KCNQ5: variants seen among roughly 807,000 people sequenced by gnomAD.
KCNQ5 encodes potassium voltage-gated channel subfamily KQT member 5.
Under a neutral mutation model 98.2 loss-of-function variants are expected in KCNQ5, and 30 were observed. The observed-to-expected ratio is 0.31, with a 90% CI of 0.23 to 0.41. The LOEUF (loss-of-function observed/expected upper bound fraction) is 0.41. Ranked by LOEUF, KCNQ5 falls within the 10% of genes least tolerant of loss-of-function variation. KCNQ5 has a pLI of 1.00. For missense variants in KCNQ5, 835 were observed against 1,182.5 expected (o/e 0.71, Z 4.31); for synonymous variants, 458 against 449.4 (o/e 1.02, Z -0.24).
intron 1 of KCNQ5, among the ~76,000 whole-genome samples, chr6:72,972,094 G>A (rs1430339905): frequency 6.6e-6 from 1 of 152,146 alleles, no homozygotes; most frequent in African/African-American, 2.4e-5. Context: ...GTCAAAGGCT[G>A]TATTGCCTTC....
At chr6:72,866,140 A>G (rs940635711) in intron 1 of KCNQ5, among the ~76,000 whole-genome samples, 2 of 151,956 alleles carry the variant, frequency 1.3e-5, no homozygotes, top group Admixed American at 6.6e-5. Flanking sequence ...AAAATAGCAG[A>G]GGCAAGGTTG....
chr6:72,832,072 A>G (rs1776299011), intron 1 of KCNQ5, among the ~76,000 whole-genome samples: 1 of 152,212 alleles, frequency 6.6e-6, no homozygotes, highest in Non-Finnish European at 1.5e-5. Context: ...CACAGAAAAT[A>G]TCCAGCAGGT....
intron 1 of KCNQ5, among the ~76,000 whole-genome samples, chr6:72,936,101 C>T (rs1765902887): frequency 6.6e-6 from 1 of 151,834 alleles, no homozygotes; most frequent in African/African-American, 2.4e-5. Context: ...CTAGAAGCCT[C>T]TCTGACATTT....
intron 5 of KCNQ5, among the ~76,000 whole-genome samples, chr6:73,089,487 T>C (rs1193662914): frequency 5.3e-5 from 8 of 152,156 alleles, no homozygotes; most frequent in Non-Finnish European, 1.0e-4. Context: ...CGGTGAGTTG[T>C]GAGATTTTGG....
intron 1 of KCNQ5, among the ~76,000 whole-genome samples, chr6:72,902,672 T>G (rs1451298926): frequency 6.6e-6 from 1 of 152,198 alleles, no homozygotes; most frequent in Non-Finnish European, 1.5e-5. Flanking sequence ...AAACTATCCC[T>G]GCATCCCTGG....
Position 73,185,637 on chromosome 6 carries a change from C to T in KCNQ5, c.1578-4936C>T, listed in dbSNP as rs767207039. ...TTGCTGGAACCTAAAGTTCCAAGGACGAAGTGGAAGGTGATGAGGCAAGAG... is the reference window on the plus strand; with the variant it reads ...TTGCTGGAACCTAAAGTTCCAAGGATGAAGTGGAAGGTGATGAGGCAAGAG... On this transcript the variant is annotated intron_variant, in intron 11 of 13. Coordinates refer to ENST00000370398, the MANE Select transcript of KCNQ5 (RefSeq NM_019842.4). 4.5e-4 allele frequency among the ~76,000 whole-genome samples: 69 copies of T among 152,084 alleles called. 1 individual carries two copies. The highest frequency in any genetic ancestry group is 8.2e-4 in the Non-Finnish European group (56 of 68,026).
chr6:73,010,093 A>G (rs1249705026), intron 2 of KCNQ5, among the ~76,000 whole-genome samples: 1 of 152,158 alleles, frequency 6.6e-6, no homozygotes, highest in Non-Finnish European at 1.5e-5. Flanking sequence ...TATGAACATT[A>G]GTGTAAAAAT....
At chr6:72,873,467 T>C (rs1055409061) in intron 1 of KCNQ5, among the ~76,000 whole-genome samples, 12 of 147,798 alleles carry the variant, frequency 8.1e-5, no homozygotes, top group African/African-American at 3.2e-4. Flanking sequence ...TGAGATTTTA[T>C]TTGACCCCAT....
intron 1 of KCNQ5, among the ~76,000 whole-genome samples, chr6:72,932,544 T>C (rs967820408): frequency 6.6e-6 from 1 of 152,204 alleles, no homozygotes; most frequent in African/African-American, 2.4e-5. Flanking sequence ...TAATAGATGC[T>C]TACATAGTTT....
chr6:72,824,805 G>GTC (rs1159164766), intron 1 of KCNQ5, among the ~76,000 whole-genome samples: 5 of 151,560 alleles, frequency 3.3e-5, no homozygotes, highest in African/African-American at 1.2e-4. Context: ...GTGTGTGTGT[G>GTC]TCTCTCTCTC....
At chr6:73,072,358 A>G (rs910962587) in intron 3 of KCNQ5, among the ~76,000 whole-genome samples, 1 of 152,168 alleles carries the variant, frequency 6.6e-6, no homozygotes, top group Non-Finnish European at 1.5e-5. Flanking sequence ...TTGTGATTTT[A>G]CATTGAGCCA....
intron 1 of KCNQ5, among the ~76,000 whole-genome samples, chr6:72,655,757 G>A (rs1190440569): frequency 6.6e-6 from 1 of 152,126 alleles, no homozygotes; most frequent in African/African-American, 2.4e-5. Context: ...AGCCATTAAT[G>A]GATTTTGAGT....
chr6:73,056,273 C>G (rs1268915429), intron 3 of KCNQ5, among the ~76,000 whole-genome samples: 6 of 152,162 alleles, frequency 3.9e-5, no homozygotes, highest in Admixed American at 3.3e-4. Context: ...CTCTAGTCAT[C>G]CCAGTGGAAG....
At chr6:72,750,956 C>T (rs947977978) in intron 1 of KCNQ5, among the ~76,000 whole-genome samples, 8 of 151,644 alleles carry the variant, frequency 5.3e-5, no homozygotes, top group African/African-American at 1.9e-4. Flanking sequence ...CTGAATATGC[C>T]AGTTGACCAA....
intron 2 of KCNQ5, among the ~76,000 whole-genome samples, chr6:73,022,329 CTTTTAAAGCACTGTGTCCAG>C (rs1770644276): frequency 6.6e-6 from 1 of 152,038 alleles, no homozygotes; most frequent in Non-Finnish European, 1.5e-5. Context: ...ACATATTTTG[CTTTTAAAGCACTGTGTCCAG>C]TTTAAATATA....
intron 1 of KCNQ5, among the ~76,000 whole-genome samples, chr6:72,755,372 C>G (rs1174971454): frequency 6.6e-6 from 1 of 151,826 alleles, no homozygotes. Context: ...CTTAAGTTTA[C>G]CATATTGCTA....
intron 2 of KCNQ5, among the ~76,000 whole-genome samples, chr6:73,038,650 T>G (rs116412700): frequency 0.017 from 2,601 of 152,152 alleles, 71 homozygotes; most frequent in African/African-American, 0.058. Flanking sequence ...TATTATATAA[T>G]GCATTATATT....
chr6:73,145,638 G>A (rs953551004), intron 10 of KCNQ5, among the ~76,000 whole-genome samples: 2 of 152,106 alleles, frequency 1.3e-5, no homozygotes, highest in Non-Finnish European at 2.9e-5. Context: ...CTCTAGACAA[G>A]TTAGTCCAGA....
intron 1 of KCNQ5, among the ~76,000 whole-genome samples, chr6:72,889,986 G>C (rs1229850360): frequency 6.6e-6 from 1 of 152,156 alleles, no homozygotes; most frequent in Admixed American, 6.5e-5. Flanking sequence ...AGAGCTGAAT[G>C]GTGCTTGGAA....
Sources: gnomAD v4.1 joint callset for allele counts (sites outside exome capture counted in the v4.1 genomes callset) on GRCh38, gnomAD v4.1.1 for gene constraint, MANE v1.5 for transcripts, NCBI Gene and HGNC (gene_info 2026-07-23, HGNC 2026-07-21) for gene names.